The following WWP1 variants were observed in gnomAD, a reference collection of about 807,000 sequenced individuals.
WWP1 encodes the protein WW domain containing E3 ubiquitin protein ligase 1.
Under a neutral mutation model 130.6 loss-of-function variants are expected in WWP1, and 49 were observed. The ratio of observed to expected loss-of-function variants is 0.38; its 90% CI spans 0.30 to 0.48. The LOEUF (loss-of-function observed/expected upper bound fraction) is 0.48. Ranked by LOEUF, WWP1 falls within the 20% of genes least tolerant of loss-of-function variation. The probability of loss-of-function intolerance (pLI) is 0.99; values close to 1 mark genes in which losing one functional copy is unlikely to be tolerated. For synonymous variants in WWP1, 332 were observed against 367.8 expected (o/e 0.90, Z 1.11); for missense variants, 809 against 1,100.6 (o/e 0.74, Z 3.75).
At chr8:86,437,803 T>G (rs1810376520) in intron 16 of WWP1, among the ~76,000 whole-genome samples, 1 of 152,172 alleles carries the variant, frequency 6.6e-6, no homozygotes, top group South Asian at 2.1e-4. Context: ...TATTATATAC[T>G]GTATTCTTTT....
chr8:86,461,606 CT>C (rs1195847032), intron 23 of WWP1, 167 bp from the exon 24 acceptor site: 2 of 650,038 alleles, frequency 3.1e-6, no homozygotes, highest in East Asian at 5.4e-5. Flanking sequence ...ATTCTTATTG[CT>C]GGATCTCTGC....
intron 7 of WWP1, among the ~76,000 whole-genome samples, chr8:86,400,202 C>T (rs1015482020): frequency 2.5e-4 from 38 of 151,868 alleles, no homozygotes; most frequent in Admixed American, 2.1e-3. Flanking sequence ...CATGGTGGTG[C>T]GCACCTGTAA....
intron 2 of WWP1, among the ~76,000 whole-genome samples, chr8:86,372,110 G>A (rs1361944696): frequency 6.8e-5 from 9 of 132,570 alleles, no homozygotes; most frequent in African/African-American, 2.0e-4. Context: ...TGCAAGCTCC[G>A]CCTCCCGGGT....
chr8:86,424,858 GGGGGA>G (rs1809523395), intron 9 of WWP1, among the ~76,000 whole-genome samples: 1 of 121,914 alleles, frequency 8.2e-6, no homozygotes, highest in Non-Finnish European at 1.8e-5. Flanking sequence ...GGGAGGGGGA[GGGGGA>G]GGGGAGGGGA....
At chr8:86,431,342 T>C in intron 12 of WWP1, 64 bp from the exon 13 acceptor site, 1 of 570,306 alleles carries the variant, frequency 1.8e-6, no homozygotes, top group Non-Finnish European at 2.6e-6. Flanking sequence ...TAATTATATG[T>C]GTTCCTTATT....
intron 4 of WWP1, 115 bp downstream of exon 4, chr8:86,380,979 A>G: frequency 7.8e-7 from 1 of 1,279,326 alleles, no homozygotes; most frequent in Non-Finnish European, 1.0e-6. Flanking sequence ...TAAAGTGTGG[A>G]TCGACAATTT....
intron 5 of WWP1, 63 bp downstream of exon 5, chr8:86,381,692 C>T: frequency 7.0e-7 from 1 of 1,419,248 alleles, no homozygotes; most frequent in Non-Finnish European, 9.3e-7. Context: ...TGAACATATC[C>T]TGAATCCTAA....
At chr8:86,405,326 ATTT>A (rs35346142) in intron 8 of WWP1, among the ~76,000 whole-genome samples, 41,063 of 129,018 alleles carry the variant, frequency 0.32, 5,909 homozygotes, top group African/African-American at 0.47. Context: ...AACCAAAAGG[ATTT>A]TTTTTTTTTT....
At chr8:86,393,759 C>T (rs1807486001) in intron 5 of WWP1, among the ~76,000 whole-genome samples, 1 of 152,150 alleles carries the variant, frequency 6.6e-6, no homozygotes, top group Non-Finnish European at 1.5e-5. Flanking sequence ...TGTTGGCCAG[C>T]CTCTAAATGG....
Position 86,427,779 on chromosome 8 carries a change from G to A in WWP1, c.1294G>A (p.Gly432Arg). 1 of 1,613,228 alleles carries A rather than the reference G, an allele frequency of 6.2e-7. No homozygotes were observed. Among genetic ancestry groups the A allele is most frequent in the Non-Finnish European group, 8.5e-7 (1 of 1,179,564 alleles). The part of the protein sequence containing the change: ...QWQSQRNQLQ[G>R]AMQQFNQRYL... ...GCAATCTCAGCGGAACCAATTGCAG[G>A]GAGCTATGCAACAGTTTAACCAACG... Residue 432 changes from glycine to arginine, a missense_variant, in exon 11 of 25, where the codon GGA becomes AGA. Gly to Arg is a moderately radical substitution (Grantham distance 125, BLOSUM62 -2). Coordinates refer to ENST00000517970, the MANE Select transcript of WWP1 (RefSeq NM_007013.4).
chr8:86,350,477 A>C lies in WWP1; in HGVS notation c.-115+7547A>C, dbSNP rs10956802. 1.4e-3 allele frequency among the ~76,000 whole-genome samples: 213 copies of C among 151,836 alleles called. 2 individuals carry two copies. Among genetic ancestry groups the C allele is most frequent in the African/African-American group, 4.9e-3 (202 of 41,232 alleles). ...ACTAAAAAACGGGCCCCTGCATCCT[A>C]ATGCAAATCTCTTTGCAAATTTCTG... On this transcript the variant is annotated intron_variant, in intron 1 of 24. Coordinates refer to ENST00000517970, the MANE Select transcript of WWP1 (RefSeq NM_007013.4).
chr8:86,409,028 T>A (rs1027681844), intron 8 of WWP1, among the ~76,000 whole-genome samples: 27 of 152,170 alleles, frequency 1.8e-4, no homozygotes, highest in African/African-American at 5.3e-4. Context: ...ATGGGGTTTT[T>A]AAAAAAATTT....
intron 21 of WWP1, among the ~76,000 whole-genome samples, chr8:86,455,493 A>G (rs1811384306): frequency 6.6e-6 from 1 of 151,988 alleles, no homozygotes; most frequent in African/African-American, 2.4e-5. Flanking sequence ...TACAATGTTA[A>G]TACTTTAAAA....
In WWP1 at chr8:86,373,834, T is replaced by C. The variant is rs151035421; in HGVS notation, c.-21-196T>C. Among the ~76,000 whole-genome samples, 51 of 152,302 alleles carry C rather than the reference T, an allele frequency of 3.3e-4. 1 individual carries two copies. The East Asian group carries it at 9.7e-3, about 29-fold the overall frequency. ...GGCAACATTCTAATGTTTATTTTTA[T>C]TTTTGCTTACTACTCACCATTTTTT... On this transcript the variant is annotated intron_variant, in intron 2 of 24. Coordinates refer to ENST00000517970, the MANE Select transcript of WWP1 (RefSeq NM_007013.4).
intron 8 of WWP1, among the ~76,000 whole-genome samples, chr8:86,406,034 C>T (rs555555971): frequency 2.2e-4 from 34 of 152,208 alleles, no homozygotes; most frequent in African/African-American, 7.2e-4. Flanking sequence ...ATCCATCTGA[C>T]GGTTTAGTTG....
intron 1 of WWP1, among the ~76,000 whole-genome samples, chr8:86,364,029 C>T (rs749330474): frequency 1.3e-5 from 2 of 152,126 alleles, no homozygotes; most frequent in African/African-American, 2.4e-5. Context: ...CATTAAATTG[C>T]TCTGATCATA....
intron 1 of WWP1, among the ~76,000 whole-genome samples, chr8:86,362,627 G>A (rs1432880919): frequency 1.3e-5 from 2 of 152,052 alleles, no homozygotes; most frequent in African/African-American, 4.8e-5. Flanking sequence ...CCCCAAATCT[G>A]TTTGATGACC....
intron 1 of WWP1, among the ~76,000 whole-genome samples, 179 bp from the exon 2 acceptor site, chr8:86,368,760 T>C (rs1824118548): frequency 6.6e-6 from 1 of 152,176 alleles, no homozygotes; most frequent in Non-Finnish European, 1.5e-5. Context: ...TGTAATTCTC[T>C]CTTGAAGAAT....
At chr8:86,432,539 TA>T (rs941078514) in intron 14 of WWP1, among the ~76,000 whole-genome samples, 20 of 85,362 alleles carry the variant, frequency 2.3e-4, no homozygotes, top group African/African-American at 5.4e-4. Context: ...CTCCTAGATA[TA>T]AAAAAAAAGC....
Sources: allele counts gnomAD v4.1 joint callset (sites outside exome capture counted in the v4.1 genomes callset), GRCh38; gene constraint gnomAD v4.1.1; transcripts MANE v1.5; gene names NCBI Gene and HGNC (gene_info 2026-07-23, HGNC 2026-07-21).